Variants in CCSER1 observed in about 807,000 individuals in gnomAD.
CCSER1 encodes the protein coiled-coil serine rich protein 1.
A neutral mutation model predicts 82.0 loss-of-function variants in CCSER1; 41 were observed. The ratio of observed to expected loss-of-function variants is 0.50; its 90% CI spans 0.39 to 0.65. CCSER1 has a LOEUF of 0.65. Among genes scored for constraint, CCSER1 ranks in the 30% least tolerant of loss-of-function variants. CCSER1 has a pLI of 0.00. For missense variants in CCSER1, 1,119 were observed against 1,064.2 expected, an observed-to-expected ratio of 1.05 and a Z score of -0.72; for synonymous variants, 414 against 383.9, an observed-to-expected ratio of 1.08 and a Z score of -0.92.
chr4:90,320,591 A>C (rs967725586), intron 3 of CCSER1, among the ~76,000 whole-genome samples: 6 of 152,180 alleles, frequency 3.9e-5, no homozygotes, highest in African/African-American at 1.4e-4. Context: ...AAGCCCATTA[A>C]AATATAATAT....
intron 10 of CCSER1, among the ~76,000 whole-genome samples, chr4:91,287,078 A>T (rs1743333085): frequency 6.6e-6 from 1 of 151,882 alleles, no homozygotes; most frequent in Non-Finnish European, 1.5e-5. Flanking sequence ...CACAAATGGG[A>T]CTGAAATTAT....
At chr4:90,922,260 C>G (rs190802909) in intron 8 of CCSER1, among the ~76,000 whole-genome samples, 1 of 150,974 alleles carries the variant, frequency 6.6e-6, no homozygotes, top group African/African-American at 2.4e-5. Context: ...TACCAAGCAG[C>G]AATGAAGGAA....
chr4:90,498,294 C>G (rs927608656), intron 5 of CCSER1, among the ~76,000 whole-genome samples: 3 of 152,134 alleles, frequency 2.0e-5, no homozygotes, highest in Non-Finnish European at 4.4e-5. Context: ...GTCTCTCCCT[C>G]TCTTTCAAAA....
At chr4:90,258,853 C>G (rs1413251185) in intron 1 of CCSER1, among the ~76,000 whole-genome samples, 2 of 152,046 alleles carry the variant, frequency 1.3e-5, no homozygotes, top group Non-Finnish European at 2.9e-5. Flanking sequence ...CCCTCACTTT[C>G]TTTGCAACCA....
At position 90,534,331 on chromosome 4, in the gene CCSER1, A is replaced by G. The variant is rs556426802; in HGVS notation, c.1724+65977A>G. ...TTTTTAGTAGAGACGGGGTTTCACC[A>G]TGTTAGCCAGTATGGTCTTGATCTT... is the stretch of plus-strand genomic sequence containing the variant. On this transcript the variant is annotated intron_variant, in intron 5 of 10. Transcript: ENST00000509176. Among the ~76,000 whole-genome samples the G allele has an allele frequency of 4.0e-3, 615 of 152,000 alleles. 5 individuals carry two copies. The highest frequency in any genetic ancestry group is 0.014 in the African/African-American group (569 of 41,446).
chr4:90,660,258 A>G (rs957664703), intron 6 of CCSER1, among the ~76,000 whole-genome samples: 5 of 151,148 alleles, frequency 3.3e-5, no homozygotes, highest in African/African-American at 1.2e-4. Flanking sequence ...TATTCACTAT[A>G]GTAAAGATAT....
At chr4:90,522,148 A>G (rs904714216) in intron 5 of CCSER1, among the ~76,000 whole-genome samples, 13 of 152,170 alleles carry the variant, frequency 8.5e-5, no homozygotes, top group African/African-American at 2.7e-4. Flanking sequence ...GGACAAATCT[A>G]AACTGATTTT....
At chr4:90,201,700 T>C (rs761513738) in intron 1 of CCSER1, among the ~76,000 whole-genome samples, 6 of 152,114 alleles carry the variant, frequency 3.9e-5, no homozygotes, top group Non-Finnish European at 5.9e-5. Flanking sequence ...GGCTACTGTA[T>C]TGAACAGTTC....
At chr4:91,322,531 G>GT (rs1162374404) in intron 10 of CCSER1, among the ~76,000 whole-genome samples, 1 of 151,924 alleles carries the variant, frequency 6.6e-6, no homozygotes, top group Non-Finnish European at 1.5e-5. Flanking sequence ...TCCAAGTCTT[G>GT]TTTTTTTCAC....
At chr4:90,604,217 A>T (rs1447002091) in intron 5 of CCSER1, among the ~76,000 whole-genome samples, 2 of 152,134 alleles carry the variant, frequency 1.3e-5, no homozygotes, top group East Asian at 3.9e-4. Flanking sequence ...AAAATTACAA[A>T]ATCTGTATTT....
chr4:90,689,806 G>A (rs1735485256), intron 6 of CCSER1, among the ~76,000 whole-genome samples: 1 of 152,090 alleles, frequency 6.6e-6, no homozygotes, highest in African/African-American at 2.4e-5. Context: ...GCTCTGGAGG[G>A]TAAATTACAG....
intron 6 of CCSER1, among the ~76,000 whole-genome samples, chr4:90,633,104 A>G (rs1407257470): frequency 6.6e-6 from 1 of 152,082 alleles, no homozygotes; most frequent in Non-Finnish European, 1.5e-5. Flanking sequence ...GATGCAGGAA[A>G]ATGATCTTGT....
chr4:90,413,479 G>C lies in CCSER1; in HGVS notation c.1603+13350G>C, dbSNP rs962320304. Among the ~76,000 whole-genome samples, 3 of 151,996 alleles carry C rather than the reference G, an allele frequency of 2.0e-5. No homozygotes were observed. In the South Asian group the frequency reaches 6.2e-4, roughly 32 times the overall value. On this transcript the variant is annotated intron_variant, in intron 4 of 10. Coordinates refer to ENST00000509176, the MANE Select transcript of CCSER1 (RefSeq NM_001145065.2). ...AAAATTCATATGGAACCATAAAAGA[G>C]CTCACATAGCCAAAGCAAGACTAAG...
chr4:91,156,475 ATTCTCCTTGT>A (rs927384440), intron 10 of CCSER1, among the ~76,000 whole-genome samples: 1 of 151,628 alleles, frequency 6.6e-6, no homozygotes. Flanking sequence ...TCTCATATTT[ATTCTCCTTGT>A]TTTTCAAATA....
chr4:90,802,095 G>A (rs150833285), intron 7 of CCSER1, among the ~76,000 whole-genome samples: 3,309 of 151,856 alleles, frequency 0.022, 125 homozygotes, highest in African/African-American at 0.075. Context: ...GTGGGTGCCT[G>A]TAGTCTCAGC....
intron 1 of CCSER1, among the ~76,000 whole-genome samples, chr4:90,187,147 T>C (rs938613414): frequency 1.3e-5 from 2 of 151,930 alleles, no homozygotes; most frequent in African/African-American, 4.8e-5. Context: ...ATCCAAAACC[T>C]GTTGACAAAT....
chr4:90,342,887 G>C (rs925195282), intron 3 of CCSER1, among the ~76,000 whole-genome samples: 9 of 151,680 alleles, frequency 5.9e-5, no homozygotes, highest in Non-Finnish European at 1.0e-4. Flanking sequence ...TTAGATCATA[G>C]TATTTTTTAA....
At position 91,180,524 on chromosome 4, in the gene CCSER1, C is replaced by T. The variant is rs989875064; in HGVS notation, c.2217+94530C>T. ...CTCAGCAATGGCGGACGCCCCTTCC[C>T]CAGCCTGGCTGCTGCCTTGCAGTTT... On this transcript the variant is annotated intron_variant, in intron 10 of 10. Coordinates refer to ENST00000509176, the MANE Select transcript of CCSER1 (RefSeq NM_001145065.2). Among the ~76,000 whole-genome samples, 4 of 152,236 alleles carry T rather than the reference C, an allele frequency of 2.6e-5. No homozygotes were observed. The East Asian group carries it at 7.7e-4, about 29-fold the overall frequency.
chr4:90,654,467 TA>T (rs1729345481), intron 6 of CCSER1, among the ~76,000 whole-genome samples: 1 of 152,136 alleles, frequency 6.6e-6, no homozygotes, highest in South Asian at 2.1e-4. Flanking sequence ...ATATGCAACA[TA>T]TTTTTGAATA....
Sources: allele counts gnomAD v4.1 joint callset (sites outside exome capture counted in the v4.1 genomes callset), GRCh38; gene constraint gnomAD v4.1.1; transcripts MANE v1.5; gene names NCBI Gene and HGNC (gene_info 2026-07-23, HGNC 2026-07-21).